The following DMD variants were observed in gnomAD, a reference collection of about 807,000 sequenced individuals.
The protein encoded by DMD is dystrophin, also known as mutant dystrophin.
Under a neutral mutation model 330.1 loss-of-function variants are expected in DMD, and 63 were observed. The ratio of observed to expected loss-of-function variants is 0.19; its 90% confidence interval spans 0.16 to 0.24. The LOEUF (loss-of-function observed/expected upper bound fraction) is 0.24, where lower values mean the gene tolerates loss of function less well. DMD is among the 10% of genes least tolerant of loss of function. The probability of loss-of-function intolerance (pLI) is 1.00; values close to 1 mark genes in which losing one functional copy is unlikely to be tolerated. For synonymous variants in DMD, 1,223 were observed against 959.8 expected (o/e 1.27, Z -5.07); for missense variants, 3,344 against 2,684.1 (o/e 1.25, Z -5.43).
intron 19 of DMD, among the ~76,000 whole-genome samples, chrX:32,497,003 T>C (rs2043556490): frequency 8.9e-6 from 1 of 111,875 alleles, no homozygotes; most frequent in African/African-American, 3.2e-5. Flanking sequence ...GTCTTGCCAT[T>C]AAAATATATG....
chrX:31,761,344 G>A (rs918545643), intron 51 of DMD, among the ~76,000 whole-genome samples: 2 of 110,524 alleles, frequency 1.8e-5, no homozygotes, highest in African/African-American at 3.3e-5. Flanking sequence ...AATAGACTAC[G>A]AATGGCCATG....
intron 55 of DMD, among the ~76,000 whole-genome samples, chrX:31,594,606 G>A (rs193258002): frequency 9.0e-6 from 1 of 111,605 alleles, no homozygotes; most frequent in Admixed American, 9.5e-5. Context: ...AATCTAATCT[G>A]TAAATCTTCC....
At chrX:32,855,230 G>GA (rs1474992788) in intron 2 of DMD, among the ~76,000 whole-genome samples, 1 of 111,942 alleles carries the variant, frequency 8.9e-6, no homozygotes, top group Non-Finnish European at 1.9e-5. Context: ...ACTGAATGGG[G>GA]AAAAACTACA....
chrX:32,179,818 T>C (rs1463033806), intron 44 of DMD, among the ~76,000 whole-genome samples: 1 of 111,156 alleles, frequency 9.0e-6, no homozygotes, highest in African/African-American at 3.3e-5. Flanking sequence ...GATCTGATGG[T>C]TTTATAAAGG....
At chrX:32,368,756 G>A (rs778760596) in intron 34 of DMD, among the ~76,000 whole-genome samples, 19 of 111,626 alleles carry the variant, frequency 1.7e-4, no homozygotes, top group African/African-American at 3.9e-4. Flanking sequence ...AAAAGCATCC[G>A]ATTCTCAGCA....
chrX:31,747,423 T>C (rs2087939440), intron 51 of DMD, among the ~76,000 whole-genome samples: 1 of 111,545 alleles, frequency 9.0e-6, no homozygotes, highest in African/African-American at 3.3e-5. Flanking sequence ...GAACTTACAG[T>C]ATGACAGCTT....
intron 16 of DMD, among the ~76,000 whole-genome samples, chrX:32,565,380 C>G (rs2051572679): frequency 9.0e-6 from 1 of 111,626 alleles, no homozygotes; most frequent in Non-Finnish European, 1.9e-5. Context: ...CCTCGTGGTT[C>G]TAGCAATCTC....
At chrX:31,854,366 T>A (rs181618239) in intron 48 of DMD, among the ~76,000 whole-genome samples, 1 of 111,855 alleles carries the variant, frequency 8.9e-6, no homozygotes, top group Non-Finnish European at 1.9e-5. Context: ...TGGAAAGTGA[T>A]CAGGCTTTTC....
chrX:31,529,580 T>C (rs916049960), intron 55 of DMD, among the ~76,000 whole-genome samples: 1 of 110,688 alleles, frequency 9.0e-6, no homozygotes, highest in Non-Finnish European at 1.9e-5. Flanking sequence ...AAAAGGTCTG[T>C]GACACGACGT....
chrX:31,492,093 T>C (rs2069360600), intron 57 of DMD, among the ~76,000 whole-genome samples: 1 of 112,070 alleles, frequency 8.9e-6, no homozygotes, highest in Admixed American at 9.5e-5. Context: ...AAGTTTACAA[T>C]TACAGTGACC....
chrX:32,330,065 C>T (rs1001095151), intron 41 of DMD, among the ~76,000 whole-genome samples: 3 of 112,091 alleles, frequency 2.7e-5, no homozygotes, highest in African/African-American at 6.5e-5. Flanking sequence ...GCAATCAATT[C>T]GGACTTCCAT....
chrX:32,609,450 T>G (rs2056988432), intron 12 of DMD, among the ~76,000 whole-genome samples: 1 of 110,871 alleles, frequency 9.0e-6, no homozygotes. Context: ...TCCTCCAGCA[T>G]TCAGTATAGT....
chrX:32,897,868 C>T (rs761796414), intron 2 of DMD, among the ~76,000 whole-genome samples: 2 of 66,755 alleles, frequency 3.0e-5, no homozygotes, highest in South Asian at 1.6e-3. Context: ...CAAATGGAAA[C>T]GTAATGAGAA....
intron 44 of DMD, among the ~76,000 whole-genome samples, chrX:31,995,867 C>T (rs1478321433): frequency 4.5e-5 from 5 of 112,076 alleles, no homozygotes; most frequent in East Asian, 5.6e-4. Context: ...CTCAAGACCT[C>T]GTTTATTTGT....
chrX:31,364,868 C>T (rs774578631), intron 60 of DMD, among the ~76,000 whole-genome samples: 4 of 110,710 alleles, frequency 3.6e-5, no homozygotes, highest in East Asian at 2.8e-4. Flanking sequence ...GAGGCCGAGG[C>T]GGGCAGATCA....
At chrX:31,869,106 G>A (rs1179046459) in intron 48 of DMD, among the ~76,000 whole-genome samples, 3 of 111,546 alleles carry the variant, frequency 2.7e-5, no homozygotes, top group Non-Finnish European at 3.8e-5. Flanking sequence ...GTACAGTATC[G>A]TTAACTATAG....
intron 4 of DMD, 91 bp from the exon 5 acceptor site, chrX:32,823,478 T>A: frequency 1.6e-6 from 1 of 641,432 alleles, no homozygotes; most frequent in Non-Finnish European, 2.6e-6. Flanking sequence ...GGTAATTGCA[T>A]TTAGCTATTT....
At chrX:33,211,173 C>G in intron 1 of DMD, 109 bp downstream of exon 1, 2 of 948,446 alleles carry the variant, frequency 2.1e-6, no homozygotes, top group Non-Finnish European at 2.9e-6. Flanking sequence ...ATTTATGCTT[C>G]TTTGCAAACT....
intron 60 of DMD, among the ~76,000 whole-genome samples, chrX:31,365,605 C>T: frequency 8.9e-6 from 1 of 111,876 alleles, no homozygotes; most frequent in East Asian, 2.8e-4. Context: ...TAAGAGATAC[C>T]CCCTATGTCT....
Sources: allele counts gnomAD v4.1 joint callset (sites outside exome capture counted in the v4.1 genomes callset), GRCh38; gene constraint gnomAD v4.1.1; transcripts MANE v1.5; gene names NCBI Gene and HGNC (gene_info 2026-07-23, HGNC 2026-07-21).